Variants in CIT observed in about 807,000 individuals in gnomAD.
The protein encoded by CIT is citron Rho-interacting kinase.
In CIT, 79 loss-of-function variants were observed where a neutral mutation model predicts 272.7. The observed-to-expected ratio is 0.29, with a 90% CI of 0.24 to 0.35. CIT has a LOEUF of 0.35. CIT is among the 10% of genes least tolerant of loss of function. CIT has a pLI of 1.00. For synonymous variants in CIT, 948 were observed against 995.6 expected (o/e 0.95, Z 0.90); for missense variants, 1,909 against 2,618.3 (o/e 0.73, Z 5.91).
In CIT at chr12:119,825,148, T is replaced by A. The variant is rs200647004; in HGVS notation, c.957+17A>T. Reference sequence around the variant, plus strand: ...CGTTTCTCAATGTGACTTCGAAATCTTCTAAGGACTCTTTACCTGGAAATT... The same window carrying A: ...CGTTTCTCAATGTGACTTCGAAATCATCTAAGGACTCTTTACCTGGAAATT... On this transcript the variant is annotated intron_variant, in intron 8 of 47. Transcript: ENST00000392521. 3.0e-3 allele frequency: 4,740 copies of A among 1,604,666 alleles called. 10 individuals are homozygous for A. The highest frequency in any genetic ancestry group is 3.3e-3 in the Non-Finnish European group (3,821 of 1,173,786).
intron 10 of CIT, among the ~76,000 whole-genome samples, chr12:119,787,637 A>G (rs1349588750): frequency 1.3e-5 from 2 of 148,582 alleles, no homozygotes; most frequent in Admixed American, 1.3e-4. Flanking sequence ...AGGCTGAGGC[A>G]GGAGAATGGC....
At chr12:119,711,913 T>G (rs1406630139) in intron 37 of CIT, among the ~76,000 whole-genome samples, 3 of 152,176 alleles carry the variant, frequency 2.0e-5, no homozygotes, top group Non-Finnish European at 4.4e-5. Flanking sequence ...TGCCTTGGCC[T>G]CCTGGGTCAC....
chr12:119,853,247 T>C (rs1566128509), intron 4 of CIT, among the ~76,000 whole-genome samples: 1 of 151,650 alleles, frequency 6.6e-6, no homozygotes, highest in Non-Finnish European at 1.5e-5. Flanking sequence ...AGGAGAATTG[T>C]TTGAAGGCAG....
chr12:119,705,204 C>T (rs569190571), intron 40 of CIT, among the ~76,000 whole-genome samples: 1 of 152,206 alleles, frequency 6.6e-6, no homozygotes, highest in African/African-American at 2.4e-5. Flanking sequence ...TGAACCACCA[C>T]ACCCGGCCCA....
intron 24 of CIT, among the ~76,000 whole-genome samples, 185 bp from the exon 25 acceptor site, chr12:119,735,542 G>A (rs1289687916): frequency 3.9e-5 from 6 of 152,072 alleles, no homozygotes; most frequent in Non-Finnish European, 7.3e-5. Context: ...CTCTAAACAC[G>A]AGCAGTGGAA....
At chr12:119,735,590 TA>T (rs1400649559) in intron 24 of CIT, among the ~76,000 whole-genome samples, 3 of 152,112 alleles carry the variant, frequency 2.0e-5, no homozygotes, top group African/African-American at 7.2e-5. Context: ...AGGACACATC[TA>T]AAAAATATGG....
At chr12:119,869,031 G>C in intron 3 of CIT, 29 bp downstream of exon 3, 10 of 1,608,954 alleles carry the variant, frequency 6.2e-6, no homozygotes, top group Non-Finnish European at 8.5e-6. Context: ...TCTCAGGACA[G>C]TTTTCAAGAA....
chr12:119,803,459 GAGA>G, intron 9 of CIT, 70 bp from the exon 10 acceptor site: 1 of 1,174,180 alleles, frequency 8.5e-7, no homozygotes, highest in Non-Finnish European at 1.2e-6. Context: ...CACTGTTGCG[GAGA>G]AGATCGTCTT....
chr12:119,716,567 C>G (rs895226351), intron 32 of CIT, among the ~76,000 whole-genome samples: 7 of 151,982 alleles, frequency 4.6e-5, no homozygotes, highest in Non-Finnish European at 7.4e-5. Flanking sequence ...ACAGCTCTAC[C>G]CTAGTGTTCC....
At chr12:119,789,542 G>C (rs1848702133) in intron 10 of CIT, among the ~76,000 whole-genome samples, 1 of 152,088 alleles carries the variant, frequency 6.6e-6, no homozygotes, top group Non-Finnish European at 1.5e-5. Flanking sequence ...AATTTAAAAT[G>C]TTTATATTCT....
At chr12:119,699,763 C>T (rs1013118903) in intron 44 of CIT, 31 of 455,728 alleles carry the variant, frequency 6.8e-5, no homozygotes, top group Non-Finnish European at 1.0e-4. Context: ...TCCAGTCAAG[C>T]CACGGAGTTG....
chr12:119,777,735 C>T (rs1026250592), intron 13 of CIT, among the ~76,000 whole-genome samples: 2 of 151,790 alleles, frequency 1.3e-5, no homozygotes, highest in Admixed American at 6.6e-5. Context: ...GCAAAACCAC[C>T]GGGAACACAC....
At chr12:119,871,929 T>C (rs1950690999) in intron 2 of CIT, among the ~76,000 whole-genome samples, 1 of 152,204 alleles carries the variant, frequency 6.6e-6, no homozygotes. Flanking sequence ...ACTTTAGTAA[T>C]AGTTGCCAGT....
intron 10 of CIT, among the ~76,000 whole-genome samples, chr12:119,786,471 T>G (rs557497726): frequency 1.3e-5 from 2 of 152,170 alleles, no homozygotes; most frequent in Non-Finnish European, 2.9e-5. Flanking sequence ...ATATGAACAC[T>G]GGGATTGGTG....
intron 46 of CIT, among the ~76,000 whole-genome samples, chr12:119,695,464 T>C (rs1565896099): frequency 2.0e-5 from 3 of 152,272 alleles, no homozygotes; most frequent in Admixed American, 2.0e-4. Context: ...GGACTTCCTG[T>C]GGGTACCAAA....
chr12:119,749,850 G>T (rs767359651), intron 23 of CIT, among the ~76,000 whole-genome samples: 4 of 152,084 alleles, frequency 2.6e-5, no homozygotes, highest in African/African-American at 4.8e-5. Context: ...CAGCAAGAAA[G>T]GATTTAAAGG....
At chr12:119,840,785 G>C (rs760081688) in intron 5 of CIT, among the ~76,000 whole-genome samples, 1 of 152,178 alleles carries the variant, frequency 6.6e-6, no homozygotes. Flanking sequence ...TGAAAAATCA[G>C]ATAATCTTAG....
rs1056029038 is a variant in CIT at position 119,773,356 on chromosome 12, C to G, written c.1942-446G>C. On this transcript the variant is annotated intron_variant, in intron 16 of 47. Transcript: ENST00000392521. ...TTAATTTTCTCCTTATTTTAATTATCTCATTTGTTAATTTTCCTATGGGAA... is the reference window on the plus strand; with the variant it reads ...TTAATTTTCTCCTTATTTTAATTATGTCATTTGTTAATTTTCCTATGGGAA... Among the ~76,000 whole-genome samples, 3 of 152,152 alleles carry G rather than the reference C, an allele frequency of 2.0e-5. No individual in the cohort carries two copies. The South Asian group carries it at 6.2e-4, about 32-fold the overall frequency.
chr12:119,758,541 G>C (rs1961330697), intron 21 of CIT, 50 bp downstream of exon 21: 1 of 1,171,570 alleles, frequency 8.5e-7, no homozygotes, highest in African/African-American at 1.5e-5. Flanking sequence ...TGCCACAGGA[G>C]AGGAGACCAA....
Sources: gnomAD v4.1 joint callset for allele counts (sites outside exome capture counted in the v4.1 genomes callset) on GRCh38, gnomAD v4.1.1 for gene constraint, MANE v1.5 for transcripts, NCBI Gene and HGNC (gene_info 2026-07-23, HGNC 2026-07-21) for gene names.